Variants in RBMS3 observed in about 807,000 individuals in gnomAD.
RBMS3 encodes RNA-binding motif, single-stranded-interacting protein 3.
A neutral mutation model predicts 66.8 loss-of-function variants in RBMS3; 27 were observed. The observed-to-expected ratio is 0.40, with a 90% CI of 0.30 to 0.56. The LOEUF is 0.56. Ranked by LOEUF, RBMS3 falls within the 20% of genes least tolerant of loss-of-function variation. RBMS3 has a pLI of 0.40. For missense variants in RBMS3, 513 were observed against 549.5 expected, an observed-to-expected ratio of 0.93 and a Z score of 0.66; for synonymous variants, 188 against 183.0, an observed-to-expected ratio of 1.03 and a Z score of -0.22.
chr3:29,466,122 A>G (rs888405810), intron 2 of RBMS3, among the ~76,000 whole-genome samples: 1 of 151,934 alleles, frequency 6.6e-6, no homozygotes, highest in South Asian at 2.1e-4. Flanking sequence ...CTTTTAATGA[A>G]CTATAAAAAT....
At chr3:29,748,097 A>C (rs1371837) in intron 5 of RBMS3, among the ~76,000 whole-genome samples, 66,916 of 152,044 alleles carry the variant, frequency 0.44, 15,774 homozygotes, top group African/African-American at 0.61. Flanking sequence ...AGGTAAGAGA[A>C]TGATGTTCTG....
intron 3 of RBMS3, among the ~76,000 whole-genome samples, chr3:29,490,768 G>A (rs556493469): frequency 6.6e-6 from 1 of 152,198 alleles, no homozygotes; most frequent in African/African-American, 2.4e-5. Flanking sequence ...CATGGCCAAG[G>A]GATGTTCTGT....
At chr3:29,981,960 CCTCTTT>C (rs1465661863) in intron 12 of RBMS3, among the ~76,000 whole-genome samples, 1 of 152,074 alleles carries the variant, frequency 6.6e-6, no homozygotes, top group African/African-American at 2.4e-5. Context: ...GGGAGGATTC[CCTCTTT>C]TTCTATTGTT....
intron 2 of RBMS3, among the ~76,000 whole-genome samples, chr3:29,438,315 AAAATAATAGAAAACAG>A (rs1244266330): frequency 1.3e-5 from 2 of 152,168 alleles, no homozygotes; most frequent in Non-Finnish European, 2.9e-5. Context: ...CCATTGTAAT[AAAATAATAGAAAACAG>A]ATACACAAAA....
rs757808101 is a variant in RBMS3, at chr3:29,899,741, G to A, written c.925G>A (p.Val309Ile). Residue 309 changes from valine to isoleucine, a missense_variant, in exon 10 of 15, where the codon GTT (valine) becomes ATT (isoleucine). Val to Ile is a conservative substitution (Grantham distance 29). Transcript: ENST00000383767. The stretch of plus-strand genomic sequence containing the variant: ...TTCATGGATGCCTCATCCGCCATAC[G>A]TTATGCAACCAACAGTAAGTGTTCT... ...STSWMPHPPY[V>I]MQPTGAVITP... 3.2e-5 allele frequency: 52 copies of A among 1,610,014 alleles called. No individual in the cohort carries two copies. The Middle Eastern group carries it at 4.9e-4, about 15-fold the overall frequency.
At chr3:29,348,027 T>A (rs1248842440) in intron 1 of RBMS3, among the ~76,000 whole-genome samples, 1 of 152,186 alleles carries the variant, frequency 6.6e-6, no homozygotes, top group Non-Finnish European at 1.5e-5. Flanking sequence ...AGGGTCTCTT[T>A]ATCAATAAAG....
At chr3:29,371,094 C>G (rs765849808) in intron 1 of RBMS3, among the ~76,000 whole-genome samples, 1 of 152,160 alleles carries the variant, frequency 6.6e-6, no homozygotes, top group African/African-American at 2.4e-5. Flanking sequence ...ATTCCCAAAA[C>G]GCTGTGTTAA....
rs532409778 is a variant in RBMS3, at chr3:29,358,933, A to C, written c.76-75810A>C. ...CTTTGCTGAAGTTGCTTATCAGCTT[A>C]AGGAGATTTTGGGCTGAGATGATGG... On this transcript the variant is annotated intron_variant, in intron 1 of 14. Transcript: ENST00000383767. Among the ~76,000 whole-genome samples the C allele has an allele frequency of 2.6e-5, 4 of 152,306 alleles. No individual in the cohort carries two copies. In the East Asian group the frequency reaches 7.7e-4, roughly 29 times the overall value.
chr3:29,622,298 A>T (rs747842345), intron 4 of RBMS3, among the ~76,000 whole-genome samples: 24 of 152,218 alleles, frequency 1.6e-4, no homozygotes, highest in Non-Finnish European at 2.4e-4. Flanking sequence ...CATTGTAAAA[A>T]ATTTCGTGAA....
rs561431082 is a variant in RBMS3, at chr3:29,454,466, T to A, written c.248+19551T>A. Among the ~76,000 whole-genome samples the A allele has an allele frequency of 8.2e-4, 125 of 152,296 alleles. 1 individual carries two copies. Among genetic ancestry groups the A allele is most frequent in the Non-Finnish European group, 1.3e-3 (86 of 68,024 alleles). ...TAATTTCTCCCAGGGAAAGTTGAAG[T>A]ATACTACAATGGTGGATCTATTAAA... On this transcript the variant is annotated intron_variant, in intron 2 of 14. Transcript: ENST00000383767.
At chr3:29,724,240 G>A (rs905940654) in intron 4 of RBMS3, among the ~76,000 whole-genome samples, 2 of 151,654 alleles carry the variant, frequency 1.3e-5, no homozygotes, top group Admixed American at 1.3e-4. Context: ...GAACACAATG[G>A]GACACATTCT....
At chr3:29,412,420 A>C (rs1232627470) in intron 1 of RBMS3, among the ~76,000 whole-genome samples, 1 of 152,196 alleles carries the variant, frequency 6.6e-6, no homozygotes, top group African/African-American at 2.4e-5. Flanking sequence ...TTCTTACCAC[A>C]GCCCCAGAAG....
intron 1 of RBMS3, among the ~76,000 whole-genome samples, chr3:29,301,992 C>G (rs1214026977): frequency 2.0e-5 from 3 of 151,856 alleles, no homozygotes; most frequent in African/African-American, 7.3e-5. Context: ...TCTCTATCAC[C>G]AAGTACAATA....
chr3:29,649,341 C>T (rs1478137758), intron 4 of RBMS3, among the ~76,000 whole-genome samples: 1 of 152,144 alleles, frequency 6.6e-6, no homozygotes, highest in African/African-American at 2.4e-5. Context: ...TGGAGTTGTA[C>T]AAATGTCACG....
chr3:29,903,976 A>C (rs1260752037), intron 10 of RBMS3, among the ~76,000 whole-genome samples: 1 of 151,974 alleles, frequency 6.6e-6, no homozygotes, highest in Non-Finnish European at 1.5e-5. Flanking sequence ...CAGAATACTT[A>C]ATTTGGTCAT....
chr3:29,798,293 A>AGGGAAGGGAG lies in RBMS3; in HGVS notation c.637+35324_637+35333dup, dbSNP rs1398657765. Among the ~76,000 whole-genome samples the AGGGAAGGGAG allele has an allele frequency of 1.2e-3, 120 of 99,818 alleles. 1 individual carries two copies. Among genetic ancestry groups the AGGGAAGGGAG allele is most frequent in the African/African-American group, 1.7e-3 (43 of 24,948 alleles). 65.5% of individuals were successfully genotyped at this position (99,818 alleles called of 152,430 possible). ...AGGGAAGGGAAGGGAAGGGAAGAGA[A>AGGGAAGGGAG]GGGAAGGGAGGGGAAGGGAGGGGAA... On this transcript the variant is annotated intron_variant, in intron 6 of 14. Coordinates refer to ENST00000383767, the MANE Select transcript of RBMS3 (RefSeq NM_001003793.3).
chr3:29,583,180 C>A (rs977640828), intron 3 of RBMS3, among the ~76,000 whole-genome samples: 1 of 152,106 alleles, frequency 6.6e-6, no homozygotes, highest in Admixed American at 6.5e-5. Flanking sequence ...GTCTCCTACC[C>A]TCACAGAAAT....
At chr3:29,935,510 A>G (rs982037720) in intron 10 of RBMS3, among the ~76,000 whole-genome samples, 1 of 152,118 alleles carries the variant, frequency 6.6e-6, no homozygotes, top group African/African-American at 2.4e-5. Flanking sequence ...TCAAAAGGTT[A>G]GGAGGAAAAC....
chr3:29,795,432 T>A (rs1300166881), intron 6 of RBMS3, among the ~76,000 whole-genome samples: 1 of 152,226 alleles, frequency 6.6e-6, no homozygotes, highest in Non-Finnish European at 1.5e-5. Flanking sequence ...TACAGCATTA[T>A]TTTCTTTTCA....
Sources: gnomAD v4.1 joint callset for allele counts (sites outside exome capture counted in the v4.1 genomes callset) on GRCh38, gnomAD v4.1.1 for gene constraint, MANE v1.5 for transcripts, NCBI Gene and HGNC (gene_info 2026-07-23, HGNC 2026-07-21) for gene names.